The following FBXO25 variants were observed in gnomAD, a reference collection of about 807,000 sequenced individuals.
The protein encoded by FBXO25 is F-box protein 25, also known as F-box only protein 25.
A neutral mutation model predicts 51.9 loss-of-function variants in FBXO25; 45 were observed. The observed-to-expected ratio is 0.87, with a 90% CI of 0.68 to 1.11. FBXO25 has a LOEUF of 1.11. Among genes scored for constraint, FBXO25 ranks in the 50% most tolerant of loss-of-function variants. The pLI, the probability that FBXO25 is intolerant of heterozygous loss-of-function variation, is 0.00. For synonymous variants in FBXO25, 199 were observed against 151.0 expected (o/e 1.32, Z -2.33); for missense variants, 507 against 428.5 (o/e 1.18, Z -1.62).
rs370077674 is a variant in FBXO25, at chr8:460,010, ATT to A, written c.843+1462_843+1463del. Among the ~76,000 whole-genome samples the A allele has an allele frequency of 2.3e-4, 35 of 152,152 alleles. No homozygotes were observed. In the East Asian group the frequency reaches 6.4e-3, roughly 28 times the overall value. ...TTTGAGTAGGAGAACAGTAGATTGA[ATT>A]TTAAGTCAGCATTGGGCATGGGGGA... On this transcript the variant is annotated intron_variant, in intron 8 of 9. Transcript: ENST00000350302.
intron 2 of FBXO25, among the ~76,000 whole-genome samples, chr8:426,288 C>T (rs567981405): frequency 7.5e-4 from 114 of 152,212 alleles, no homozygotes; most frequent in African/African-American, 2.7e-3. Context: ...TGACTTTTAC[C>T]CTTGATAGTC....
At position 463,015 on chromosome 8, in the gene FBXO25, A is replaced by G. The variant is rs1455657966; in HGVS notation, c.852A>G (p.Arg284=). The part of the protein sequence containing the change: ...QYHFAEKQFC[R]HLILSEKGHI... Reference sequence around the variant, plus strand: ...GAGTTTTGTTTGTTTAGTTTTGTAGACATTTGATCCTTTCAGAAAAAGGTC... The same window carrying G: ...GAGTTTTGTTTGTTTAGTTTTGTAGGCATTTGATCCTTTCAGAAAAAGGTC... The change falls in exon 9 of 10, where the codon AGA becomes AGG. Residue 284 remains arginine (R), a synonymous_variant. Transcript: ENST00000350302. The G allele has an allele frequency of 3.1e-6, 5 of 1,607,732 alleles. No homozygotes were observed. Among genetic ancestry groups the G allele is most frequent in the African/African-American group, 1.3e-5 (1 of 74,770 alleles).
chr8:420,040 C>G (rs1273561271), intron 2 of FBXO25, among the ~76,000 whole-genome samples: 1 of 152,058 alleles, frequency 6.6e-6, no homozygotes, highest in African/African-American at 2.4e-5. Flanking sequence ...GCATGTGATG[C>G]CCAACTTAAT....
At chr8:438,850 C>T (rs1798250725) in intron 5 of FBXO25, among the ~76,000 whole-genome samples, 1 of 152,242 alleles carries the variant, frequency 6.6e-6, no homozygotes, top group Non-Finnish European at 1.5e-5. Context: ...TCACCGCCCC[C>T]ATCATGTCAG....
chr8:457,800 T>C (rs897392578), intron 7 of FBXO25, among the ~76,000 whole-genome samples: 3 of 152,202 alleles, frequency 2.0e-5, no homozygotes, highest in African/African-American at 7.2e-5. Flanking sequence ...GTAGACAGAT[T>C]GCATTTATCA....
At chr8:466,940 G>C (rs1323308383) in intron 9 of FBXO25, among the ~76,000 whole-genome samples, 3 of 152,170 alleles carry the variant, frequency 2.0e-5, no homozygotes, top group Non-Finnish European at 4.4e-5. Context: ...CTGGGTCAGG[G>C]AAGCCATGAT....
At chr8:461,219 C>T (rs914242512) in intron 8 of FBXO25, among the ~76,000 whole-genome samples, 2 of 152,188 alleles carry the variant, frequency 1.3e-5, no homozygotes, top group African/African-American at 4.8e-5. Flanking sequence ...AAGATACCCT[C>T]CACTTTATGC....
At chr8:437,367 G>A (rs182856975) in intron 5 of FBXO25, among the ~76,000 whole-genome samples, 3 of 152,316 alleles carry the variant, frequency 2.0e-5, no homozygotes, top group Non-Finnish European at 2.9e-5. Flanking sequence ...AAGCAAAAGG[G>A]CTGCAGTGTT....
At chr8:467,997 A>G in intron 9 of FBXO25, 1 of 1,342,334 alleles carries the variant, frequency 7.4e-7, no homozygotes, top group East Asian at 3.0e-5. Context: ...GCGCATAAAC[A>G]CTTCACCACA....
intron 2 of FBXO25, among the ~76,000 whole-genome samples, chr8:420,603 C>G (rs1797089901): frequency 6.6e-6 from 1 of 152,182 alleles, no homozygotes; most frequent in African/African-American, 2.4e-5. Context: ...ACTCAAAAGT[C>G]AAAAGGAACA....
intron 2 of FBXO25, among the ~76,000 whole-genome samples, chr8:424,796 G>C (rs1369519876): frequency 6.6e-6 from 1 of 152,140 alleles, no homozygotes; most frequent in Non-Finnish European, 1.5e-5. Context: ...TGAGTAGTGT[G>C]ATGCCTCTGG....
chr8:471,389 G>T lies in FBXO25; in HGVS notation c.*2585G>T, dbSNP rs1190142225. The T allele has an allele frequency of 1.3e-5, 2 of 152,200 alleles. No individual in the cohort carries two copies. Among genetic ancestry groups the T allele is most frequent in the East Asian group, 1.9e-4 (1 of 5,194 alleles). The allele number at this position is 152,200 out of a possible 1,614,324, so 9.4% of individuals were successfully genotyped here. Reference sequence around the variant, plus strand: ...AACAGAGATGAGAAGAGAAATCATAGATCTCCACTTTGGAATGGTATTTTT... The same window carrying T: ...AACAGAGATGAGAAGAGAAATCATATATCTCCACTTTGGAATGGTATTTTT... On this transcript the variant is annotated 3_prime_UTR_variant, in exon 10 of 10. Transcript: ENST00000350302.
At position 430,544 on chromosome 8, in the gene FBXO25, C is replaced by A. The variant is rs182719687; in HGVS notation, c.135-797C>A. ...ACCGGCAAATAAGCAATTTTAGTTC[C>A]TTGGATTTGAGCACCACTCTCACAT... is the stretch of plus-strand genomic sequence containing the variant. On this transcript the variant is annotated intron_variant, in intron 2 of 9. Transcript: ENST00000350302. Among the ~76,000 whole-genome samples, 5 of 152,092 alleles carry A rather than the reference C, an allele frequency of 3.3e-5. No individual in the cohort carries two copies. In the East Asian group the frequency reaches 5.8e-4, roughly 18 times the overall value.
In FBXO25 at chr8:471,984, T is replaced by C. The variant is rs1342333686; in HGVS notation, c.*3180T>C. 6.6e-6 allele frequency: 1 copy of C among 152,244 alleles called. No individual in the cohort carries two copies. Among genetic ancestry groups the C allele is most frequent in the East Asian group, 1.9e-4 (1 of 5,194 alleles). 9.4% of individuals were successfully genotyped at this position (152,244 alleles called of 1,614,324 possible). ...CAGCTCTTTTAACACCTTTGTAGAT[T>C]CCTGATGCTGTGTACAAAATCATGT... On this transcript the variant is annotated 3_prime_UTR_variant, in exon 10 of 10. Coordinates refer to ENST00000350302, the MANE Select transcript of FBXO25 (RefSeq NM_183420.2).
chr8:465,859 G>C (rs933825065), intron 9 of FBXO25, among the ~76,000 whole-genome samples: 11 of 152,078 alleles, frequency 7.2e-5, no homozygotes, highest in African/African-American at 2.4e-4. Context: ...TGTAATTTCT[G>C]ATTTTTTTAA....
rs1333556792 is a variant in FBXO25 at position 470,304 on chromosome 8, A to T, written c.*1500A>T. 1.3e-5 allele frequency: 2 copies of T among 152,142 alleles called. No individual in the cohort carries two copies. The highest frequency in any genetic ancestry group is 6.5e-5 in the Admixed American group (1 of 15,268). 9.4% of individuals were successfully genotyped at this position (152,142 alleles called of 1,614,324 possible). Reference sequence around the variant, plus strand: ...TAGTACAGCCAACATCATGAGTCAAACATATTTTAAGGCTTTTAAATATAT... The same window carrying T: ...TAGTACAGCCAACATCATGAGTCAATCATATTTTAAGGCTTTTAAATATAT... On this transcript the variant is annotated 3_prime_UTR_variant, in exon 10 of 10. Transcript: ENST00000350302.
At chr8:458,573 C>T (rs113529701) in intron 8 of FBXO25, 22 bp downstream of exon 8, 3 of 1,611,168 alleles carry the variant, frequency 1.9e-6, no homozygotes, top group East Asian at 2.2e-5. Flanking sequence ...GCAGCAGTCT[C>T]CCCTCAGGCT....
Position 433,018 on chromosome 8 carries a change from A to C in FBXO25, c.288+83A>C, listed in dbSNP as rs187073697. On this transcript the variant is annotated intron_variant, in intron 4 of 9. Coordinates refer to ENST00000350302, the MANE Select transcript of FBXO25 (RefSeq NM_183420.2). ...TCACATTAAATAAATGTATTAATAA[A>C]GTTGCATAAAACACATTTCTTTTGC... The C allele has an allele frequency of 8.7e-5, 123 of 1,413,566 alleles. No individual in the cohort carries two copies. In the African/African-American group the frequency reaches 1.7e-3, roughly 19 times the overall value. 87.6% of individuals were successfully genotyped at this position (1,413,566 alleles called of 1,614,324 possible).
At position 474,406 on chromosome 8, in the gene FBXO25, T is replaced by A. The variant is rs927814084; in HGVS notation, c.*5602T>A. ...AATATTGCTGCCGTAAACATGGGTG[T>A]GCAAATATCTGAGTCTCTGCTTTCA... On this transcript the variant is annotated 3_prime_UTR_variant, in exon 10 of 10. Coordinates refer to ENST00000350302, the MANE Select transcript of FBXO25 (RefSeq NM_183420.2). The A allele has an allele frequency of 3.6e-6, 1 of 279,728 alleles. No homozygotes were observed. Among genetic ancestry groups the A allele is most frequent in the African/African-American group, 2.3e-5 (1 of 43,656 alleles). The allele number at this position is 279,728 out of a possible 1,614,324, so 17.3% of individuals were successfully genotyped here.
Sources: allele counts gnomAD v4.1 joint callset (sites outside exome capture counted in the v4.1 genomes callset), GRCh38; gene constraint gnomAD v4.1.1; transcripts MANE v1.5; gene names NCBI Gene and HGNC (gene_info 2026-07-23, HGNC 2026-07-21).